TENT2: variants seen among roughly 807,000 people sequenced by gnomAD.
The protein encoded by TENT2 is poly(A) RNA polymerase GLD2.
Under a neutral mutation model 72.2 loss-of-function variants are expected in TENT2, and 44 were observed. The ratio of observed to expected loss-of-function variants is 0.61; its 90% CI spans 0.48 to 0.78. TENT2 has a LOEUF of 0.78. Among genes scored for constraint, TENT2 ranks in the 30% least tolerant of loss-of-function variants. TENT2 has a pLI of 0.00. For synonymous variants in TENT2, 212 were observed against 192.5 expected (o/e 1.10, Z -0.84); for missense variants, 541 against 569.6 (o/e 0.95, Z 0.51).
At chr5:79,659,465 G>C (rs1055465519) in intron 11 of TENT2, among the ~76,000 whole-genome samples, 5 of 143,696 alleles carry the variant, frequency 3.5e-5, no homozygotes, top group African/African-American at 1.0e-4. Flanking sequence ...CTGGGAGGCG[G>C]AGGTTGCAGT....
At chr5:79,623,576 A>G (rs1766822775) in intron 4 of TENT2, 87 bp downstream of exon 4, 1 of 915,518 alleles carries the variant, frequency 1.1e-6, no homozygotes, top group South Asian at 2.2e-5. Flanking sequence ...TCCTGGATTA[A>G]GTAGAACGTG....
At chr5:79,637,786 TCTC>T (rs1004620209) in intron 4 of TENT2, among the ~76,000 whole-genome samples, 3 of 148,904 alleles carry the variant, frequency 2.0e-5, no homozygotes, top group Non-Finnish European at 1.5e-5. Flanking sequence ...CTCTAGGACT[TCTC>T]CTCTTTTGCT....
At chr5:79,639,854 C>G (rs909152573) in intron 4 of TENT2, among the ~76,000 whole-genome samples, 1 of 152,008 alleles carries the variant, frequency 6.6e-6, no homozygotes, top group African/African-American at 2.4e-5. Flanking sequence ...AAATAAAAGT[C>G]CGGAAAGGGA....
intron 8 of TENT2, among the ~76,000 whole-genome samples, chr5:79,647,332 G>A (rs1340065982): frequency 6.6e-6 from 1 of 152,070 alleles, no homozygotes; most frequent in Admixed American, 6.6e-5. Flanking sequence ...CAGGAACTGT[G>A]GATATTTTTA....
chr5:79,645,686 G>A (rs1407813756), intron 8 of TENT2, among the ~76,000 whole-genome samples: 1 of 152,104 alleles, frequency 6.6e-6, no homozygotes, highest in Non-Finnish European at 1.5e-5. Flanking sequence ...ACCAGCTTGG[G>A]TTCTGAATGT....
chr5:79,659,577 TATATATATATATATATA>T (rs1801008193), intron 11 of TENT2, among the ~76,000 whole-genome samples: 1 of 127,042 alleles, frequency 7.9e-6, no homozygotes, highest in African/African-American at 2.8e-5. Flanking sequence ...TATATATATA[TATATATATATATATATA>T]ATAGCCATCG....
intron 4 of TENT2, among the ~76,000 whole-genome samples, chr5:79,635,362 A>G (rs1779235442): frequency 6.6e-6 from 1 of 152,232 alleles, no homozygotes; most frequent in Non-Finnish European, 1.5e-5. Context: ...AAAACTCATT[A>G]AATCTCCATT....
chr5:79,629,781 C>G (rs912691650), intron 4 of TENT2, among the ~76,000 whole-genome samples: 3 of 148,364 alleles, frequency 2.0e-5, no homozygotes, highest in African/African-American at 7.5e-5. Context: ...GAGCCGAGAT[C>G]GTGCCACTGC....
intron 7 of TENT2, 50 bp from the exon 8 acceptor site, chr5:79,645,073 G>A: frequency 6.8e-7 from 1 of 1,467,182 alleles, no homozygotes; most frequent in Non-Finnish European, 9.2e-7. Context: ...TTGGAACACT[G>A]TGAATTCTAG....
intron 1 of TENT2, among the ~76,000 whole-genome samples, chr5:79,618,158 T>C (rs1371066955): frequency 6.6e-6 from 1 of 152,232 alleles, no homozygotes; most frequent in African/African-American, 2.4e-5. Context: ...TTCTAATACA[T>C]TTCCTCAAAG....
rs535122800 is a variant in TENT2, at chr5:79,644,796, C to CT, written c.752-325dup. 72 of 195,226 alleles carry CT rather than the reference C, an allele frequency of 3.7e-4. 1 individual carries two copies. The East Asian group carries it at 8.2e-3, about 22-fold the overall frequency. 12.1% of individuals were successfully genotyped at this position (195,226 alleles called of 1,614,324 possible). On this transcript the variant is annotated intron_variant, in intron 7 of 14. Transcript: ENST00000453514. ...ATGATTTCTACAGTTACCATGATAC[C>CT]TTACTGTGTGCTGTACCAAAATTAG...
chr5:79,618,483 C>G (rs1050700973), intron 1 of TENT2, among the ~76,000 whole-genome samples: 1 of 152,130 alleles, frequency 6.6e-6, no homozygotes, highest in Non-Finnish European at 1.5e-5. Context: ...GTCTTCCCAC[C>G]CCGGCCTCCC....
At chr5:79,643,986 CT>C (rs555747246) in intron 7 of TENT2, among the ~76,000 whole-genome samples, 207 of 142,136 alleles carry the variant, frequency 1.5e-3, no homozygotes, top group Non-Finnish European at 1.3e-3. Flanking sequence ...TTGATATATT[CT>C]TTTTTTTTTT....
intron 11 of TENT2, among the ~76,000 whole-genome samples, chr5:79,667,304 A>C (rs755378372): frequency 2.0e-5 from 3 of 152,206 alleles, no homozygotes; most frequent in Non-Finnish European, 2.9e-5. Flanking sequence ...GCTATTAAAC[A>C]GTGACCTACT....
In TENT2 at chr5:79,686,604, T is replaced by C. The variant is rs1268951946; in HGVS notation, c.*1331T>C. The C allele has an allele frequency of 2.6e-5, 4 of 152,158 alleles. No individual in the cohort carries two copies. Among genetic ancestry groups the C allele is most frequent in the African/African-American group, 9.6e-5 (4 of 41,452 alleles). 9.4% of individuals were successfully genotyped at this position (152,158 alleles called of 1,614,324 possible). A position where few individuals can be genotyped will look rare whatever the true frequency, so the allele number is the denominator to read the frequency against. On this transcript the variant is annotated 3_prime_UTR_variant, in exon 15 of 15. Coordinates refer to ENST00000453514, the MANE Select transcript of TENT2 (RefSeq NM_001114394.3). Reference sequence around the variant, plus strand: ...TCATTTTCTTCCTTAAGTTCAAATTTTTGTATGATGTCAAATGCAATAAAA... The same window carrying C: ...TCATTTTCTTCCTTAAGTTCAAATTCTTGTATGATGTCAAATGCAATAAAA...
chr5:79,635,188 A>G (rs1293652184), intron 4 of TENT2, among the ~76,000 whole-genome samples: 1 of 152,126 alleles, frequency 6.6e-6, no homozygotes, highest in Non-Finnish European at 1.5e-5. Flanking sequence ...CTCCTGGAAT[A>G]TTTCTCTAAA....
Position 79,641,539 on chromosome 5 carries a change from T to C in TENT2, c.672+343T>C, listed in dbSNP as rs141995649. On this transcript the variant is annotated intron_variant, in intron 6 of 14. Transcript: ENST00000453514. ...AAGAGTATGTGGCAATATTATCTTC[T>C]TGATGTATTTCCTTTCCATTTGAAT... Among the ~76,000 whole-genome samples the C allele has an allele frequency of 4.6e-5, 7 of 152,088 alleles. No homozygotes were observed. The East Asian group carries it at 1.4e-3, about 29-fold the overall frequency.
intron 4 of TENT2, among the ~76,000 whole-genome samples, chr5:79,625,016 G>A (rs974000272): frequency 1.8e-4 from 27 of 152,288 alleles, no homozygotes; most frequent in Admixed American, 3.3e-4. Flanking sequence ...TATCAACAGC[G>A]TATAGGTTGC....
intron 8 of TENT2, 43 bp from the exon 9 acceptor site, chr5:79,648,574 C>T (rs1229443565): frequency 2.9e-6 from 4 of 1,363,726 alleles, no homozygotes; most frequent in Non-Finnish European, 4.0e-6. Flanking sequence ...TTTTTTTGTT[C>T]TTCAGCTAAA....
Sources: allele counts gnomAD v4.1 joint callset (sites outside exome capture counted in the v4.1 genomes callset), GRCh38; gene constraint gnomAD v4.1.1; transcripts MANE v1.5; gene names NCBI Gene and HGNC (gene_info 2026-07-23, HGNC 2026-07-21).